The following DENND1A variants were observed in gnomAD, a reference collection of about 807,000 sequenced individuals.
DENND1A encodes DENN domain containing 1A.
Under a neutral mutation model 113.7 loss-of-function variants are expected in DENND1A, and 51 were observed. The observed-to-expected ratio is 0.45, with a 90% CI of 0.36 to 0.57. The LOEUF is 0.57. Among genes scored for constraint, DENND1A ranks in the 20% least tolerant of loss-of-function variants. The pLI is 0.00. For missense variants in DENND1A, 1,258 were observed against 1,395.9 expected (o/e 0.90, Z 1.57); for synonymous variants, 565 against 570.8 (o/e 0.99, Z 0.14).
chr9:123,639,831 G>T (rs2061934559), intron 9 of DENND1A, among the ~76,000 whole-genome samples: 1 of 150,058 alleles, frequency 6.7e-6, no homozygotes, highest in South Asian at 2.1e-4. Context: ...CATGACCACT[G>T]AATTCACATT....
chr9:123,715,609 C>A (rs1212338883), intron 5 of DENND1A, among the ~76,000 whole-genome samples: 3 of 152,154 alleles, frequency 2.0e-5, no homozygotes, highest in Admixed American at 6.5e-5. Flanking sequence ...TACTCAGACT[C>A]CAGGATCATC....
intron 1 of DENND1A, among the ~76,000 whole-genome samples, chr9:123,912,299 C>G (rs1854145538): frequency 6.6e-6 from 1 of 152,136 alleles, no homozygotes; most frequent in Non-Finnish European, 1.5e-5. Flanking sequence ...AGCAGAACAG[C>G]TAGTGACCTC....
intron 13 of DENND1A, among the ~76,000 whole-genome samples, chr9:123,505,150 A>G (rs559267288): frequency 6.6e-6 from 1 of 152,072 alleles, no homozygotes; most frequent in African/African-American, 2.4e-5. Flanking sequence ...AGCAGCTACA[A>G]CTCCCTGCGT....
chr9:123,702,279 AG>A (rs2065927533), intron 5 of DENND1A, among the ~76,000 whole-genome samples: 1 of 152,176 alleles, frequency 6.6e-6, no homozygotes. Context: ...AGGAAAAAAA[AG>A]GAACGAAGAA....
At chr9:123,485,683 C>T (rs1038705807) in intron 13 of DENND1A, 10 of 151,800 alleles carry the variant, frequency 6.6e-5, no homozygotes, top group African/African-American at 9.7e-5. Flanking sequence ...CACACACACA[C>T]ACACACACGC....
At chr9:123,859,056 C>T (rs531874598) in intron 2 of DENND1A, among the ~76,000 whole-genome samples, 1 of 152,242 alleles carries the variant, frequency 6.6e-6, no homozygotes, top group African/African-American at 2.4e-5. Context: ...AGGAAGAATG[C>T]ATAGCAAAAA....
At chr9:123,780,001 C>T (rs959620972) in intron 3 of DENND1A, among the ~76,000 whole-genome samples, 1 of 90,880 alleles carries the variant, frequency 1.1e-5, no homozygotes, top group Admixed American at 8.5e-5. Flanking sequence ...TTACAGGCGC[C>T]CCCCCACCAC....
At chr9:123,900,459 C>T (rs1034857657) in intron 1 of DENND1A, among the ~76,000 whole-genome samples, 1 of 152,170 alleles carries the variant, frequency 6.6e-6, no homozygotes, top group African/African-American at 2.4e-5. Flanking sequence ...AAAGTGCCTT[C>T]AAGTGCGGCA....
chr9:123,745,994 G>GATATA (rs773037103), intron 5 of DENND1A, among the ~76,000 whole-genome samples: 33 of 152,184 alleles, frequency 2.2e-4, no homozygotes, highest in Middle Eastern at 3.4e-3. Flanking sequence ...ACCAAACAAA[G>GATATA]CTATACTATA....
chr9:123,878,891 G>A (rs1299602128), intron 2 of DENND1A, 60 bp downstream of exon 2: 31 of 1,527,822 alleles, frequency 2.0e-5, no homozygotes, highest in Middle Eastern at 1.7e-4. Context: ...ATTATCTCAC[G>A]TGCATAGCTA....
intron 18 of DENND1A, 118 bp downstream of exon 18, chr9:123,450,567 GTAATGCAT>G: frequency 1.6e-6 from 1 of 638,736 alleles, no homozygotes; most frequent in Non-Finnish European, 2.6e-6. Flanking sequence ...CGGACAGCTG[GTAATGCAT>G]TTTGAAGTGT....
chr9:123,473,986 CTTTTTTTTTT>C (rs5900577), intron 13 of DENND1A, among the ~76,000 whole-genome samples: 39 of 70,720 alleles, frequency 5.5e-4, no homozygotes, highest in East Asian at 4.6e-3. Context: ...TACTTTCTTT[CTTTTTTTTTT>C]TTTTTTTTTT....
intron 5 of DENND1A, among the ~76,000 whole-genome samples, chr9:123,704,501 C>T (rs886598677): frequency 1.3e-5 from 2 of 152,140 alleles, no homozygotes; most frequent in Middle Eastern, 3.2e-3. Flanking sequence ...CCATCGTGGT[C>T]TCATAAAATG....
intron 1 of DENND1A, among the ~76,000 whole-genome samples, chr9:123,929,449 G>T (rs1006876490): frequency 3.3e-5 from 5 of 152,146 alleles, no homozygotes; most frequent in African/African-American, 4.8e-5. Flanking sequence ...AACCTCACGC[G>T]ACTTCTGTGG....
At chr9:123,827,926 T>G (rs998580005) in intron 2 of DENND1A, among the ~76,000 whole-genome samples, 1 of 152,170 alleles carries the variant, frequency 6.6e-6, no homozygotes, top group Admixed American at 6.5e-5. Flanking sequence ...TGGAGGAGGA[T>G]AATATTACCC....
At chr9:123,642,743 G>C (rs1321804018) in intron 9 of DENND1A, among the ~76,000 whole-genome samples, 1 of 152,138 alleles carries the variant, frequency 6.6e-6, no homozygotes, top group Non-Finnish European at 1.5e-5. Flanking sequence ...AAGAGGCCTT[G>C]GCTCTGCTCC....
At chr9:123,719,907 G>T (rs555196110) in intron 5 of DENND1A, among the ~76,000 whole-genome samples, 32 of 152,178 alleles carry the variant, frequency 2.1e-4, no homozygotes, top group African/African-American at 7.5e-4. Flanking sequence ...AGAACATTTC[G>T]GATTTTGAAT....
intron 13 of DENND1A, among the ~76,000 whole-genome samples, chr9:123,479,031 C>T (rs1028057155): frequency 6.6e-6 from 1 of 152,192 alleles, no homozygotes; most frequent in African/African-American, 2.4e-5. Context: ...ATGAATAAAC[C>T]AGCCAAGGTC....
At chr9:123,794,459 T>C (rs866561118) in intron 2 of DENND1A, among the ~76,000 whole-genome samples, 5 of 152,318 alleles carry the variant, frequency 3.3e-5, no homozygotes, top group East Asian at 1.9e-4. Context: ...TTTCTTCCAA[T>C]TGACATGTGG....
Sources: allele counts gnomAD v4.1 joint callset (sites outside exome capture counted in the v4.1 genomes callset), GRCh38; gene constraint gnomAD v4.1.1; transcripts MANE v1.5; gene names NCBI Gene and HGNC (gene_info 2026-07-23, HGNC 2026-07-21).